Variants in TRPM1 observed in about 807,000 individuals in gnomAD.
TRPM1 encodes the protein transient receptor potential cation channel subfamily M member 1.
TRPM1 carries 113 observed loss-of-function variants against 149.4 expected under a neutral mutation model. The ratio of observed to expected loss-of-function variants is 0.76; its 90% CI spans 0.65 to 0.88. The LOEUF (loss-of-function observed/expected upper bound fraction) is 0.88. TRPM1 is among the 40% of genes least tolerant of loss of function. The pLI is 0.00. For missense variants in TRPM1, 1,976 were observed against 2,038.7 expected, an observed-to-expected ratio of 0.97 and a Z score of 0.59; for synonymous variants, 741 against 759.5, an observed-to-expected ratio of 0.98 and a Z score of 0.40.
intron 1 of TRPM1, among the ~76,000 whole-genome samples, chr15:31,090,112 C>T (rs79682841): frequency 0.024 from 3,644 of 152,266 alleles, 154 homozygotes; most frequent in African/African-American, 0.083. Flanking sequence ...CTAGCAGTAA[C>T]CCCCATGAAC....
At chr15:31,078,356 C>A (rs756726129) in intron 2 of TRPM1, among the ~76,000 whole-genome samples, 1 of 152,148 alleles carries the variant, frequency 6.6e-6, no homozygotes, top group Non-Finnish European at 1.5e-5. Flanking sequence ...CTAGGAGAGC[C>A]CCAGCCCTAG....
chr15:31,017,297 A>G (rs1173962635), intron 27 of TRPM1, among the ~76,000 whole-genome samples: 2 of 152,206 alleles, frequency 1.3e-5, no homozygotes, highest in Non-Finnish European at 2.9e-5. Flanking sequence ...CGACAGAGCA[A>G]GACTCTGTCT....
intron 1 of TRPM1, among the ~76,000 whole-genome samples, chr15:31,143,092 G>A (rs1161419297): frequency 6.6e-6 from 1 of 152,176 alleles, no homozygotes; most frequent in African/African-American, 2.4e-5. Flanking sequence ...ATGCCTTTCT[G>A]AAAGCTTTTT....
chr15:31,066,195 A>T lies in TRPM1; in HGVS notation c.671T>A (p.Leu224His). The T allele has an allele frequency of 6.2e-7, 1 of 1,614,168 alleles. No individual in the cohort carries two copies. The highest frequency in any genetic ancestry group is 1.1e-5 in the South Asian group (1 of 91,080). Residue 224 changes from leucine (L) to histidine (H), a missense_variant, in exon 7 of 28, where the codon CTC becomes CAC. Physicochemically the swap from Leu to His is moderately conservative, Grantham distance 99. Transcript: ENST00000256552. ...GATGAAGTGGGTGTGGGAGTTGTTGAGCACAGAGAGCTTACTTAGAGGGTT... is the reference window on the plus strand; with the variant it reads ...GATGAAGTGGGTGTGGGAGTTGTTGTGCACAGAGAGCTTACTTAGAGGGTT... ...MSNPLSKLSVLNNSHTHFILA... is the reference protein window; with the variant it reads ...MSNPLSKLSVHNNSHTHFILA...
intron 26 of TRPM1, 147 bp downstream of exon 26, chr15:31,026,768 G>C (rs2032780989): frequency 1.2e-6 from 1 of 824,454 alleles, no homozygotes. Context: ...GGTACAAAAT[G>C]AGAAGCCTTT....
At chr15:31,034,391 G>A (rs908222972) in intron 21 of TRPM1, among the ~76,000 whole-genome samples, 11 of 152,190 alleles carry the variant, frequency 7.2e-5, no homozygotes, top group African/African-American at 2.7e-4. Context: ...CCCCAGGTGG[G>A]CTTGCCCACC....
rs933301444 is a variant in TRPM1, at chr15:31,032,768, A to G, written c.2873T>C (p.Ile958Thr). 5.0e-6 allele frequency: 8 copies of G among 1,614,070 alleles called. No homozygotes were observed. The highest frequency in any genetic ancestry group is 6.8e-6 in the Non-Finnish European group (8 of 1,180,038). ...YGRVIYCVDI[I>T]FWYIRVLDIF... ...GTCCAGGACACGGATGTACCAGAAG[A>G]TGATATCCACACAGTAGATCACCCG... is the stretch of plus-strand genomic sequence containing the variant. The change falls in exon 22 of 28, where the codon ATC becomes ACC. Residue 958 changes from isoleucine (I) to threonine (T), a missense_variant. This residue lies in a region of TRPM1 where 1,332 missense variants were observed against 1,347.1 expected (regional missense o/e 0.99). Coordinates refer to ENST00000256552, the MANE Select transcript of TRPM1 (RefSeq NM_001252024.2).
At chr15:31,011,134 A>G (rs965123712) in intron 27 of TRPM1, among the ~76,000 whole-genome samples, 8 of 152,144 alleles carry the variant, frequency 5.3e-5, no homozygotes, top group African/African-American at 1.9e-4. Flanking sequence ...AAATGTCTTT[A>G]TCCATCCTTT....
intron 1 of TRPM1, among the ~76,000 whole-genome samples, chr15:31,109,560 C>A (rs184966064): frequency 1.4e-4 from 21 of 148,700 alleles, no homozygotes; most frequent in African/African-American, 4.7e-4. Context: ...ATTAGCTGGG[C>A]GTGGTGGTGG....
At chr15:31,128,921 C>T (rs1186989350) in intron 1 of TRPM1, among the ~76,000 whole-genome samples, 1 of 152,272 alleles carries the variant, frequency 6.6e-6, no homozygotes, top group Non-Finnish European at 1.5e-5. Context: ...CCCGCTCCGG[C>T]TTCCAGTCAG....
At chr15:31,045,286 A>G (rs2033731826) in intron 16 of TRPM1, among the ~76,000 whole-genome samples, 1 of 152,238 alleles carries the variant, frequency 6.6e-6, no homozygotes, top group Non-Finnish European at 1.5e-5. Flanking sequence ...AATATTCCAC[A>G]ATATGGCATT....
At chr15:31,113,629 T>C (rs568379727) in intron 1 of TRPM1, among the ~76,000 whole-genome samples, 2 of 152,316 alleles carry the variant, frequency 1.3e-5, no homozygotes, top group South Asian at 2.1e-4. Flanking sequence ...AGCACTTTAC[T>C]GTACAAATTA....
At position 31,038,177 on chromosome 15, in the gene TRPM1, T is replaced by C. The variant is rs1360136674; in HGVS notation, c.2317-11A>G. 3 of 1,613,818 alleles carry C rather than the reference T, an allele frequency of 1.9e-6. No individual in the cohort carries two copies. Among genetic ancestry groups the C allele is most frequent in the Non-Finnish European group, 2.5e-6 (3 of 1,179,850 alleles). On this transcript the variant is annotated splice_polypyrimidine_tract_variant and intron_variant, in intron 18 of 27. Transcript: ENST00000256552. ...AATCCCCATGATAACCTACGGAACA[T>C]AAATTGATTTTTTAAGCTGTGGCAA...
At chr15:31,088,860 G>C (rs1258021647) in intron 1 of TRPM1, among the ~76,000 whole-genome samples, 1 of 86,234 alleles carries the variant, frequency 1.2e-5, no homozygotes, top group Non-Finnish European at 2.4e-5. Flanking sequence ...CCCTGCTGCG[G>C]GTATTGACAT....
chr15:31,076,779 G>A (rs1197485440), intron 3 of TRPM1, 126 bp downstream of exon 3: 1 of 776,826 alleles, frequency 1.3e-6, no homozygotes, highest in African/African-American at 1.7e-5. Context: ...TCCCTTGTTA[G>A]TGACTCCCAT....
intron 1 of TRPM1, among the ~76,000 whole-genome samples, chr15:31,156,901 A>G (rs116871727): frequency 0.015 from 2,217 of 149,984 alleles, 17 homozygotes; most frequent in Non-Finnish European, 0.022. Context: ...CTTGTTTTAG[A>G]TTTTTCTATA....
intron 15 of TRPM1, 116 bp from the exon 16 acceptor site, chr15:31,046,349 C>T (rs1408446129): frequency 1.1e-6 from 1 of 925,568 alleles, no homozygotes; most frequent in Non-Finnish European, 1.8e-6. Context: ...CACTTTGTAT[C>T]ATTAACAATT....
intron 9 of TRPM1, 53 bp from the exon 10 acceptor site, chr15:31,061,567 A>G (rs977554829): frequency 6.7e-7 from 1 of 1,499,760 alleles, no homozygotes. Context: ...AGAAGGAGAT[A>G]TGGGGTGTTG....
Position 31,035,422 on chromosome 15 carries a change from A to G in TRPM1, c.2700+124T>C. 7.2e-6 allele frequency: 10 copies of G among 1,389,918 alleles called. No homozygotes were observed. The South Asian group carries it at 1.2e-4, about 16-fold the overall frequency. 86.1% of individuals were successfully genotyped at this position (1,389,918 alleles called of 1,614,324 possible). On this transcript the variant is annotated intron_variant, in intron 21 of 27. Coordinates refer to ENST00000256552, the MANE Select transcript of TRPM1 (RefSeq NM_001252024.2). ...CAGCCTCCCAGAGTGCTGGGATTACAGGCATGAGCCACCACGCCTGGCCCA... is the reference window on the plus strand; with the variant it reads ...CAGCCTCCCAGAGTGCTGGGATTACGGGCATGAGCCACCACGCCTGGCCCA...
Sources: allele counts gnomAD v4.1 joint callset (sites outside exome capture counted in the v4.1 genomes callset), GRCh38; gene constraint gnomAD v4.1.1; regional missense constraint gnomAD v4.1.1; transcripts MANE v1.5; gene names NCBI Gene and HGNC (gene_info 2026-07-23, HGNC 2026-07-21).